Variants in KLHL3 observed in about 807,000 individuals in gnomAD.
KLHL3 encodes kelch-like protein 3.
A neutral mutation model predicts 70.5 loss-of-function variants in KLHL3; 19 were observed. The observed-to-expected ratio is 0.27, with a 90% CI of 0.19 to 0.40. The LOEUF (loss-of-function observed/expected upper bound fraction) is 0.40, where lower values mean the gene tolerates loss of function less well. Among genes scored for constraint, KLHL3 ranks in the 10% least tolerant of loss-of-function variants. The pLI, the probability that KLHL3 is intolerant of heterozygous loss-of-function variation, is 1.00. For synonymous variants in KLHL3, 258 were observed against 290.3 expected (o/e 0.89, Z 1.13); for missense variants, 512 against 771.1 (o/e 0.66, Z 3.98).
At chr5:137,712,984 C>CT (rs35131440) in intron 2 of KLHL3, among the ~76,000 whole-genome samples, 1 of 151,652 alleles carries the variant, frequency 6.6e-6, no homozygotes, top group Non-Finnish European at 1.5e-5. Context: ...TCCATATCTT[C>CT]TTTTTTCCAA....
At chr5:137,623,248 A>G (rs894953047) in intron 14 of KLHL3, among the ~76,000 whole-genome samples, 2 of 152,224 alleles carry the variant, frequency 1.3e-5, no homozygotes, top group Non-Finnish European at 2.9e-5. Flanking sequence ...CAGGCAGGAT[A>G]TTACTGCAGC....
intron 14 of KLHL3, among the ~76,000 whole-genome samples, chr5:137,622,444 C>T (rs1366432624): frequency 3.9e-5 from 6 of 152,240 alleles, no homozygotes; most frequent in Admixed American, 3.3e-4. Flanking sequence ...CAATGCTCAG[C>T]GCCCAGGGGC....
At chr5:137,710,508 T>A (rs966821747) in intron 2 of KLHL3, among the ~76,000 whole-genome samples, 3 of 152,232 alleles carry the variant, frequency 2.0e-5, no homozygotes, top group African/African-American at 7.2e-5. Flanking sequence ...ACTTGTCTTA[T>A]TTAATGTTGT....
intron 2 of KLHL3, among the ~76,000 whole-genome samples, chr5:137,715,528 A>C (rs1380811178): frequency 2.0e-5 from 3 of 152,146 alleles, no homozygotes; most frequent in Admixed American, 2.0e-4. Context: ...TTAGCCATTT[A>C]AATACCTTGG....
chr5:137,650,199 G>A (rs1445290972), intron 8 of KLHL3, among the ~76,000 whole-genome samples: 1 of 152,190 alleles, frequency 6.6e-6, no homozygotes, highest in Non-Finnish European at 1.5e-5. Context: ...GTTTTCTCCT[G>A]CAGTCACCTG....
At chr5:137,633,923 A>G (rs1561584045) in intron 12 of KLHL3, 114 bp downstream of exon 12, 3 of 1,333,144 alleles carry the variant, frequency 2.3e-6, no homozygotes, top group Non-Finnish European at 3.2e-6. Flanking sequence ...TATGCAATAT[A>G]TCCATGTAAC....
intron 2 of KLHL3, among the ~76,000 whole-genome samples, chr5:137,713,153 C>CAAAAAAAAAA (rs958291877): frequency 2.6e-5 from 1 of 38,472 alleles, no homozygotes; most frequent in Non-Finnish European, 5.4e-5. Flanking sequence ...GAATAACCAG[C>CAAAAAAAAAA]AAAAAAAAAA....
chr5:137,696,849 C>T (rs1752456218), intron 4 of KLHL3, among the ~76,000 whole-genome samples: 1 of 152,174 alleles, frequency 6.6e-6, no homozygotes, highest in African/African-American at 2.4e-5. Context: ...TTGATGGGCA[C>T]ATGCTTGCTT....
At position 137,639,250 on chromosome 5, in the gene KLHL3, G is replaced by A. The variant is rs907810573; in HGVS notation, c.1022-100C>T. On this transcript the variant is annotated intron_variant, in intron 9 of 14. Coordinates refer to ENST00000309755, the MANE Select transcript of KLHL3 (RefSeq NM_017415.3). This position sits in a 1 kb window ranked among gnomAD's most constrained non-coding sequence, Gnocchi z 5.0. Reference sequence around the variant, plus strand: ...GAGCAAGACAGACACAGGAAAAGTCGCCACCGAAGATACTTTAGGTATTTG... The same window carrying A: ...GAGCAAGACAGACACAGGAAAAGTCACCACCGAAGATACTTTAGGTATTTG... 29 of 1,113,574 alleles carry A rather than the reference G, an allele frequency of 2.6e-5. No homozygotes were observed. The highest frequency in any genetic ancestry group is 1.5e-4 in the African/African-American group (10 of 64,802). The allele number at this position is 1,113,574 out of a possible 1,614,324, so 69.0% of individuals were successfully genotyped here.
chr5:137,637,437 C>T (rs1750796662), intron 10 of KLHL3, 42 bp from the exon 11 acceptor site: 1 of 1,565,964 alleles, frequency 6.4e-7, no homozygotes, highest in Non-Finnish European at 8.8e-7. Flanking sequence ...GGCACCAGGC[C>T]TCACCCTGCT....
Position 137,720,559 on chromosome 5 carries a change from T to C in KLHL3, c.40A>G (p.Ile14Val), listed in dbSNP as rs200272165. 4.4e-5 allele frequency: 71 copies of C among 1,613,944 alleles called. No individual in the cohort carries two copies. Among genetic ancestry groups the C allele is most frequent in the Non-Finnish European group, 1.1e-5 (13 of 1,179,990 alleles). ...ESVKLSSQTL[I>V]QAGDDEKNQR... ...TTCTTCTCATCATCCCCAGCCTGTATCAGAGTCTGGGAGCTCAGCTTGACA... is the reference window on the plus strand; with the variant it reads ...TTCTTCTCATCATCCCCAGCCTGTACCAGAGTCTGGGAGCTCAGCTTGACA... The change falls in exon 2 of 15, where the codon ATA becomes GTA. Residue 14 changes from isoleucine (I) to valine (V), a missense_variant. Physicochemically the swap from Ile to Val is conservative, Grantham distance 29. Transcript: ENST00000309755.
chr5:137,730,611 T>G (rs985551363), intron 1 of KLHL3, among the ~76,000 whole-genome samples: 3 of 152,196 alleles, frequency 2.0e-5, no homozygotes, highest in Non-Finnish European at 4.4e-5. Flanking sequence ...ACTGCTTTCT[T>G]TAAAACTCAA....
chr5:137,646,255 T>C (rs776825219), intron 8 of KLHL3, among the ~76,000 whole-genome samples: 9 of 152,184 alleles, frequency 5.9e-5, no homozygotes, highest in Middle Eastern at 3.4e-3. Flanking sequence ...TCACCCCAAT[T>C]AGAAGGTCTA....
At chr5:137,677,851 C>A (rs1751924162) in intron 5 of KLHL3, among the ~76,000 whole-genome samples, 197 bp from the exon 6 acceptor site, 2 of 152,142 alleles carry the variant, frequency 1.3e-5, no homozygotes. Context: ...GATGGCATCA[C>A]CCACTATGAT....
At chr5:137,666,698 C>T (rs1226599561) in intron 6 of KLHL3, among the ~76,000 whole-genome samples, 1 of 152,164 alleles carries the variant, frequency 6.6e-6, no homozygotes, top group East Asian at 1.9e-4. Context: ...CCACAGCATT[C>T]GGCAACAACA....
At chr5:137,707,149 T>C (rs933685026) in intron 3 of KLHL3, among the ~76,000 whole-genome samples, 11 of 152,162 alleles carry the variant, frequency 7.2e-5, no homozygotes, top group African/African-American at 2.7e-4. Flanking sequence ...AAAAAGGCTA[T>C]TTAGGCTGGG....
chr5:137,638,939 C>T lies in KLHL3; in HGVS notation c.1219+14G>A, dbSNP rs1374019605. ...CCCAGGCTAGGAGGGGTTGGGAACA[C>T]ACCCTAAACCTACCAGTACTGCCAT... is the stretch of plus-strand genomic sequence containing the variant. On this transcript the variant is annotated intron_variant, in intron 10 of 14. Coordinates refer to ENST00000309755, the MANE Select transcript of KLHL3 (RefSeq NM_017415.3). 5 of 1,611,916 alleles carry T rather than the reference C, an allele frequency of 3.1e-6. No individual in the cohort carries two copies. The highest frequency in any genetic ancestry group is 4.2e-6 in the Non-Finnish European group (5 of 1,178,432).
chr5:137,691,027 A>G (rs1204703998), intron 5 of KLHL3, among the ~76,000 whole-genome samples: 1 of 152,246 alleles, frequency 6.6e-6, no homozygotes, highest in Non-Finnish European at 1.5e-5. Context: ...CTTTCCAGCT[A>G]GCTAAATAAA....
chr5:137,703,760 G>A (rs965540901), intron 3 of KLHL3, among the ~76,000 whole-genome samples: 4 of 151,564 alleles, frequency 2.6e-5, no homozygotes, highest in Admixed American at 6.6e-5. Context: ...CTCATCACCC[G>A]CCCTCCCTGG....
Sources: allele counts gnomAD v4.1 joint callset (sites outside exome capture counted in the v4.1 genomes callset), GRCh38; gene constraint gnomAD v4.1.1; non-coding constraint Gnocchi (gnomAD v3.1); transcripts MANE v1.5; gene names NCBI Gene and HGNC (gene_info 2026-07-23, HGNC 2026-07-21).